ZNF610: variants seen among roughly 807,000 people sequenced by gnomAD.
The protein encoded by ZNF610 is zinc finger protein 610, also known as zink finger protein.
Under a neutral mutation model 14.1 loss-of-function variants are expected in ZNF610, and 14 were observed. The observed-to-expected ratio is 0.99, with a 90% CI of 0.65 to 1.55. The LOEUF is 1.55. ZNF610 is among the 40% of genes most tolerant of loss of function. The pLI, the probability that ZNF610 is intolerant of heterozygous loss-of-function variation, is 0.00. For missense variants in ZNF610, 530 were observed against 558.0 expected, an observed-to-expected ratio of 0.95 and a Z score of 0.51; for synonymous variants, 185 against 187.6, an observed-to-expected ratio of 0.99 and a Z score of 0.11.
rs529158479 is a variant in ZNF610 at position 52,364,114 on chromosome 19, G to A, written c.320-1584G>A. Among the ~76,000 whole-genome samples the A allele has an allele frequency of 3.9e-5, 6 of 152,262 alleles. No individual in the cohort carries two copies. The South Asian group carries it at 6.2e-4, about 16-fold the overall frequency. On this transcript the variant is annotated intron_variant, in intron 5 of 5. Transcript: ENST00000403906. Reference sequence around the variant, plus strand: ...AACAGCTTAACCTTGATTAGGTACCGAAAGCATTACATTATAGCTGTGCTA... The same window carrying A: ...AACAGCTTAACCTTGATTAGGTACCAAAAGCATTACATTATAGCTGTGCTA...
At chr19:52,363,881 T>C (rs559681827) in intron 5 of ZNF610, among the ~76,000 whole-genome samples, 77 of 152,360 alleles carry the variant, frequency 5.1e-4, no homozygotes, top group Non-Finnish European at 6.8e-4. Flanking sequence ...TTGTCACATA[T>C]TAGCTGTAGA....
At chr19:52,339,913 C>G (rs1984593480) in intron 1 of ZNF610, among the ~76,000 whole-genome samples, 1 of 152,202 alleles carries the variant, frequency 6.6e-6, no homozygotes, top group Non-Finnish European at 1.5e-5. Context: ...CCCGCCTTGG[C>G]CTCCCAAAGT....
intron 3 of ZNF610, among the ~76,000 whole-genome samples, chr19:52,349,880 A>G (rs527900189): frequency 6.6e-6 from 1 of 152,280 alleles, no homozygotes; most frequent in Non-Finnish European, 1.5e-5. Flanking sequence ...GAAGTCACAT[A>G]TTAATGCACA....
chr19:52,343,122 C>G (rs1297488544), intron 1 of ZNF610, among the ~76,000 whole-genome samples: 6 of 152,134 alleles, frequency 3.9e-5, no homozygotes, highest in Admixed American at 3.9e-4. Flanking sequence ...TCCCCAAACA[C>G]GTATCCCCAG....
intron 2 of ZNF610, among the ~76,000 whole-genome samples, chr19:52,348,842 G>A (rs916019512): frequency 6.6e-6 from 1 of 152,154 alleles, no homozygotes; most frequent in Admixed American, 6.5e-5. Flanking sequence ...GAGGGGAGGA[G>A]GGGCTGTGCT....
intron 1 of ZNF610, among the ~76,000 whole-genome samples, chr19:52,337,332 A>G (rs1984434350): frequency 6.6e-6 from 1 of 152,130 alleles, no homozygotes; most frequent in South Asian, 2.1e-4. Context: ...AGTGGGGACA[A>G]GAGAGTGTAG....
intron 1 of ZNF610, among the ~76,000 whole-genome samples, chr19:52,342,445 TTG>T (rs1451608546): frequency 2.0e-5 from 3 of 152,136 alleles, no homozygotes; most frequent in African/African-American, 7.2e-5. Context: ...CAGCAGCAAT[TTG>T]CACAGCCGAT....
chr19:52,334,069 A>G (rs2122150272), upstream of ZNF610, among the ~76,000 whole-genome samples: 1 of 152,366 alleles, frequency 6.6e-6, no homozygotes, highest in Admixed American at 6.5e-5. Flanking sequence ...TATATCAACA[A>G]TGGTTTATAA....
chr19:52,337,712 A>G (rs1402788247), intron 1 of ZNF610, among the ~76,000 whole-genome samples: 1 of 152,206 alleles, frequency 6.6e-6, no homozygotes, highest in Non-Finnish European at 1.5e-5. Context: ...TTATGATCAA[A>G]TTGTGATATA....
chr19:52,366,893 CTT>C lies in ZNF610; in HGVS notation c.*127_*128del, dbSNP rs376747714. 9.7e-5 allele frequency: 66 copies of C among 683,694 alleles called. No individual in the cohort carries two copies. In the East Asian group the frequency reaches 1.4e-3, roughly 15 times the overall value. The allele number at this position is 683,694 out of a possible 1,614,324, so 42.4% of individuals were successfully genotyped here. ...TGCATTGAAGCCTCATCACTCATCT[CTT>C]GATCCACACTGAAAGGAAACCCTAC... On this transcript the variant is annotated 3_prime_UTR_variant, in exon 6 of 6. Transcript: ENST00000403906.
chr19:52,351,055 C>A (rs569855192), intron 3 of ZNF610, among the ~76,000 whole-genome samples: 1 of 152,130 alleles, frequency 6.6e-6, no homozygotes, highest in African/African-American at 2.4e-5. Context: ...GTGATTGTTT[C>A]GTTGTAATAT....
intron 1 of ZNF610, among the ~76,000 whole-genome samples, chr19:52,339,201 G>T (rs2122169618): frequency 6.6e-6 from 1 of 151,946 alleles, no homozygotes; most frequent in South Asian, 2.1e-4. Context: ...ATACAATCAG[G>T]TTTTACACCT....
At chr19:52,331,627 G>A (rs1365341495), upstream of ZNF610, among the ~76,000 whole-genome samples, 1 of 152,136 alleles carries the variant, frequency 6.6e-6, no homozygotes, top group African/African-American at 2.4e-5. Flanking sequence ...TTTGCTGAGG[G>A]ACATGTCTCC....
intron 5 of ZNF610, among the ~76,000 whole-genome samples, chr19:52,361,552 T>TA (rs756024537): frequency 6.7e-6 from 1 of 149,554 alleles, no homozygotes; most frequent in Non-Finnish European, 1.5e-5. Flanking sequence ...ATTTGAGGCT[T>TA]ACGCTTCATT....
At chr19:52,339,445 T>C (rs1049882142) in intron 1 of ZNF610, among the ~76,000 whole-genome samples, 1 of 146,310 alleles carries the variant, frequency 6.8e-6, no homozygotes, top group Non-Finnish European at 1.5e-5. Flanking sequence ...TTCCACAGTG[T>C]ATTGTGTCCC....
At chr19:52,333,404 T>G (rs1260879114), upstream of ZNF610, among the ~76,000 whole-genome samples, 9 of 152,142 alleles carry the variant, frequency 5.9e-5, no homozygotes, top group Non-Finnish European at 1.3e-4. Context: ...AGGCAAAGCC[T>G]AAGAAAGTAC....
rs753778393 is a variant in ZNF610, at chr19:52,366,394, C to T, written c.1016C>T (p.Thr339Met). Residue 339 changes from threonine to methionine, a missense_variant, in exon 6 of 6, where the codon ACG becomes ATG. Coordinates refer to ENST00000403906, the MANE Select transcript of ZNF610 (RefSeq NM_001161425.2). Reference protein sequence around the residue: ...FSLTNHQRSHTAEKPYKCNEC... With the variant: ...FSLTNHQRSHMAEKPYKCNEC... ...CTAACCAATCATCAGAGAAGTCACA[C>T]GGCGGAAAAACCTTACAAATGTAAT... The T allele has an allele frequency of 4.8e-5, 77 of 1,613,862 alleles. No homozygotes were observed. The highest frequency in any genetic ancestry group is 6.7e-5 in the Admixed American group (4 of 59,976).
upstream of ZNF610, among the ~76,000 whole-genome samples, chr19:52,331,368 A>C (rs1014284866): frequency 2.0e-5 from 3 of 152,158 alleles, no homozygotes; most frequent in Admixed American, 6.6e-5. Context: ...AGTACTCCTC[A>C]AAGCTGACCA....
upstream of ZNF610, among the ~76,000 whole-genome samples, chr19:52,333,469 C>T (rs532084182): frequency 3.9e-5 from 6 of 152,232 alleles, no homozygotes; most frequent in East Asian, 1.9e-4. Context: ...GTGGGCAGCC[C>T]GTAGCAAAAT....
Sources: gnomAD v4.1 joint callset for allele counts (sites outside exome capture counted in the v4.1 genomes callset) on GRCh38, gnomAD v4.1.1 for gene constraint, MANE v1.5 for transcripts, NCBI Gene and HGNC (gene_info 2026-07-23, HGNC 2026-07-21) for gene names.